CUEDC1: variants seen among roughly 807,000 people sequenced by gnomAD.
CUEDC1 encodes the protein CUE domain-containing protein 1.
CUEDC1 carries 30 observed loss-of-function variants against 43.7 expected under a neutral mutation model. The ratio of observed to expected loss-of-function variants is 0.69; its 90% CI spans 0.51 to 0.93. The LOEUF (loss-of-function observed/expected upper bound fraction) is 0.93, where lower values mean the gene tolerates loss of function less well. CUEDC1 is among the 40% of genes least tolerant of loss of function. The probability of loss-of-function intolerance (pLI) is 0.00; values close to 1 mark genes in which losing one functional copy is unlikely to be tolerated. For missense variants in CUEDC1, 486 were observed against 549.0 expected (o/e 0.89, Z 1.15); for synonymous variants, 223 against 223.6 (o/e 1.00, Z 0.02).
intron 1 of CUEDC1, among the ~76,000 whole-genome samples, chr17:57,928,144 G>A (rs1484632736): frequency 1.3e-5 from 2 of 152,310 alleles, no homozygotes; most frequent in Admixed American, 6.5e-5. Context: ...GGAACCCCTC[G>A]TCCCAAAAAT....
chr17:57,872,748 G>A lies in CUEDC1; in HGVS notation c.699C>T (p.Asp233=), dbSNP rs61748845. 9.4e-4 allele frequency: 1,522 copies of A among 1,614,170 alleles called. 22 individuals carry two copies. The African/African-American group carries it at 0.018, about 19-fold the overall frequency. ...QESRWKQYLE[D]ERIALFLQNE... ...TCTGCAGGAAAAGCGCGATCCTCTCGTCCTCCAGGTACTGCTTCCAGCGGC... is the reference window on the plus strand; with the variant it reads ...TCTGCAGGAAAAGCGCGATCCTCTCATCCTCCAGGTACTGCTTCCAGCGGC... The change falls in exon 5 of 11, where the codon GAC becomes GAT. Residue 233 remains aspartate (D), a synonymous_variant. Transcript: ENST00000577830.
At chr17:57,876,273 C>T (rs968304163) in intron 3 of CUEDC1, among the ~76,000 whole-genome samples, 2 of 152,170 alleles carry the variant, frequency 1.3e-5, no homozygotes, top group East Asian at 1.9e-4. Flanking sequence ...CCTCACCCGC[C>T]GTTAGGTACT....
At chr17:57,895,498 C>G (rs992902744) in intron 1 of CUEDC1, among the ~76,000 whole-genome samples, 2 of 152,232 alleles carry the variant, frequency 1.3e-5, no homozygotes, top group African/African-American at 4.8e-5. Flanking sequence ...AGTTTCCTCA[C>G]AAAACCTTTT....
chr17:57,899,007 G>C (rs986387471), intron 1 of CUEDC1, among the ~76,000 whole-genome samples: 1 of 152,218 alleles, frequency 6.6e-6, no homozygotes, highest in African/African-American at 2.4e-5. Flanking sequence ...AGCACAGGCA[G>C]AGTGGCCCTC....
At chr17:57,919,366 GAC>G (rs1484890167) in intron 1 of CUEDC1, among the ~76,000 whole-genome samples, 1 of 151,986 alleles carries the variant, frequency 6.6e-6, no homozygotes, top group Non-Finnish European at 1.5e-5. Context: ...TTTTAGTAGA[GAC>G]AGGGATTCAC....
chr17:57,901,814 C>T (rs2145005784), intron 1 of CUEDC1, among the ~76,000 whole-genome samples: 2 of 152,382 alleles, frequency 1.3e-5, no homozygotes, highest in South Asian at 2.1e-4. Flanking sequence ...CCAGCAGTTG[C>T]AAGAATCTTC....
At chr17:57,902,583 G>C (rs1009525540) in intron 1 of CUEDC1, among the ~76,000 whole-genome samples, 1 of 152,224 alleles carries the variant, frequency 6.6e-6, no homozygotes, top group Non-Finnish European at 1.5e-5. Flanking sequence ...GCTTCCACAG[G>C]GGAAACATCT....
chr17:57,940,938 G>A lies in CUEDC1; in HGVS notation c.-316+14287C>T, dbSNP rs139271531. 7.0e-4 allele frequency among the ~76,000 whole-genome samples: 106 copies of A among 152,354 alleles called. No individual in the cohort carries two copies. The East Asian group carries it at 0.01, about 15-fold the overall frequency. On this transcript the variant is annotated intron_variant, in intron 1 of 10. Coordinates refer to ENST00000577830, the MANE Select transcript of CUEDC1 (RefSeq NM_001271875.2). ...ACCTGAGCCCCAGAGAAGCTAAGCT[G>A]CCAGGAGGCAAAGACAGCTTGTCCT...
chr17:57,867,472 C>T, intron 8 of CUEDC1, 57 bp from the exon 9 acceptor site: 1 of 1,450,852 alleles, frequency 6.9e-7, no homozygotes, highest in Non-Finnish European at 9.5e-7. Flanking sequence ...CCCTAGTCCT[C>T]CCAGTCCCAC....
intron 4 of CUEDC1, among the ~76,000 whole-genome samples, chr17:57,873,283 G>A (rs192860557): frequency 2.0e-5 from 3 of 152,310 alleles, no homozygotes; most frequent in African/African-American, 7.2e-5. Flanking sequence ...TCCCAAGGGA[G>A]GAAGGGGGGT....
chr17:57,909,016 A>G (rs931469209), intron 1 of CUEDC1, among the ~76,000 whole-genome samples: 7 of 152,114 alleles, frequency 4.6e-5, no homozygotes, highest in African/African-American at 2.4e-5. Flanking sequence ...GAAGATCATA[A>G]TGTAGCCACT....
In CUEDC1 at chr17:57,885,869, G is replaced by T. The variant is rs2074284660; in HGVS notation, c.-305C>A. On this transcript the variant is annotated 5_prime_UTR_variant, in exon 2 of 11. Transcript: ENST00000577830. ...GGTGCATCCTGGCACCGGTTTCACG[G>T]ATGGTCCCACCTGAAACCGAAAGAG... The T allele has an allele frequency of 3.8e-6, 1 of 262,788 alleles. No individual in the cohort carries two copies. Among genetic ancestry groups the T allele is most frequent in the Non-Finnish European group, 7.1e-6 (1 of 140,618 alleles). The allele number at this position is 262,788 out of a possible 1,614,324, so 16.3% of individuals were successfully genotyped here.
At position 57,866,542 on chromosome 17, in the gene CUEDC1, C is replaced by T. The variant is rs1359720111; in HGVS notation, c.1096G>A (p.Glu366Lys). ...LDDVEGHACDEDFRGRRQEAP... is the reference protein window; with the variant it reads ...LDDVEGHACDKDFRGRRQEAP... ...TCCTGACGCCTGCCCCGGAAGTCTT[C>T]ATCTGAAAAGGAGAGGGAAGCTGCC... is the stretch of plus-strand genomic sequence containing the variant. Residue 366 changes from glutamate to lysine, a missense_variant and splice_region_variant, in exon 10 of 11, where the codon GAA becomes AAA. Physicochemically the swap from Glu to Lys is moderately conservative, Grantham distance 56 (BLOSUM62 1). Coordinates refer to ENST00000577830, the MANE Select transcript of CUEDC1 (RefSeq NM_001271875.2). 6.2e-7 allele frequency: 1 copy of T among 1,614,026 alleles called. No homozygotes were observed. Among genetic ancestry groups the T allele is most frequent in the African/African-American group, 1.3e-5 (1 of 74,910 alleles).
chr17:57,869,262 C>T, intron 6 of CUEDC1, 69 bp from the exon 7 acceptor site: 2 of 1,368,346 alleles, frequency 1.5e-6, no homozygotes, highest in Non-Finnish European at 2.1e-6. Flanking sequence ...GCCCTACCCA[C>T]CCATCTGAGG....
At chr17:57,927,757 A>G (rs150279610) in intron 1 of CUEDC1, among the ~76,000 whole-genome samples, 56 of 152,374 alleles carry the variant, frequency 3.7e-4, no homozygotes, top group African/African-American at 1.2e-3. Flanking sequence ...AGTTCTTGCT[A>G]CCAACATGAG....
rs117933046 is a variant in CUEDC1 at position 57,872,322 on chromosome 17, G to A, written c.784+341C>T. 1.5e-3 allele frequency among the ~76,000 whole-genome samples: 230 copies of A among 152,368 alleles called. 2 individuals are homozygous for A. In the East Asian group the frequency reaches 0.02, roughly 14 times the overall value. On this transcript the variant is annotated intron_variant, in intron 5 of 10. Transcript: ENST00000577830. ...CTCCAGACACATCACGCCTGCCTTG[G>A]GGCTGGGGCTCTGTGAGGAGGGGCA... is the stretch of plus-strand genomic sequence containing the variant.
intron 3 of CUEDC1, among the ~76,000 whole-genome samples, chr17:57,875,644 T>C (rs1239235050): frequency 6.7e-6 from 1 of 149,788 alleles, no homozygotes; most frequent in Non-Finnish European, 1.5e-5. Context: ...TGTGGAAGGG[T>C]CCCCGGGGTT....
At chr17:57,885,108 G>T in intron 2 of CUEDC1, 121 bp downstream of exon 2, 1 of 1,442,750 alleles carries the variant, frequency 6.9e-7, no homozygotes, top group Non-Finnish European at 9.1e-7. Context: ...CCCAGATAGC[G>T]GAGTAACCCA....
chr17:57,865,043 C>T (rs770100760), intron 10 of CUEDC1, among the ~76,000 whole-genome samples: 1 of 151,568 alleles, frequency 6.6e-6, no homozygotes, highest in South Asian at 2.1e-4. Context: ...GGCAACAGAG[C>T]GAGACTCTGT....
Sources: gnomAD v4.1 joint callset for allele counts (sites outside exome capture counted in the v4.1 genomes callset) on GRCh38, gnomAD v4.1.1 for gene constraint, MANE v1.5 for transcripts, NCBI Gene and HGNC (gene_info 2026-07-23, HGNC 2026-07-21) for gene names.